The following SYNE2 variants were observed in gnomAD, a reference collection of about 807,000 sequenced individuals.
The protein encoded by SYNE2 is spectrin repeat containing nuclear envelope protein 2.
In SYNE2, 431 loss-of-function variants were observed where a neutral mutation model predicts 856.3. That is an observed-to-expected ratio of 0.50 (90% confidence interval 0.47 to 0.55). SYNE2 has a LOEUF of 0.55. SYNE2 is among the 20% of genes least tolerant of loss of function. The pLI is 0.00. For synonymous variants in SYNE2, 2,923 were observed against 2,872.3 expected (o/e 1.02, Z -0.56); for missense variants, 8,129 against 8,023.2 (o/e 1.01, Z -0.50).
chr14:64,135,511 T>TGA, intron 78 of SYNE2, among the ~76,000 whole-genome samples: 1 of 152,116 alleles, frequency 6.6e-6, no homozygotes, highest in South Asian at 2.1e-4. Flanking sequence ...GTGGGGGTGA[T>TGA]GAGAGTACTG....
In SYNE2 at chr14:64,007,030, A is replaced by G. The variant is rs1416153462; in HGVS notation, c.4398-13A>G. ...CAGTTGGCTATCAAACTTTTTTCTC[A>G]TTCATAATCAAGGAAAAAATCATTA... is the stretch of plus-strand genomic sequence containing the variant. On this transcript the variant is annotated splice_polypyrimidine_tract_variant and intron_variant, in intron 30 of 115. Transcript: ENST00000555002. 1.2e-6 allele frequency: 2 copies of G among 1,607,792 alleles called. No homozygotes were observed. Among genetic ancestry groups the G allele is most frequent in the Non-Finnish European group, 1.7e-6 (2 of 1,175,484 alleles).
At chr14:63,846,034 G>A (rs1028799555) in intron 1 of SYNE2, among the ~76,000 whole-genome samples, 5 of 143,536 alleles carry the variant, frequency 3.5e-5, no homozygotes, top group Non-Finnish European at 7.6e-5. Context: ...GTGAGCCACC[G>A]TACCTGCCCT....
rs769021111 is a variant in SYNE2 at position 63,982,748 on chromosome 14, G to A, written c.1955G>A (p.Arg652Lys). The A allele has an allele frequency of 1.2e-6, 2 of 1,614,018 alleles. No homozygotes were observed. The highest frequency in any genetic ancestry group is 2.2e-5 in the East Asian group (1 of 44,862). ...VVGSSISKEL[R>K]RLNKRWRKLV... ...GGATCATCTATTTCTAAAGAACTGAGAAGGCTGAATAAAAGATGGAGAAAG... is the reference window on the plus strand; with the variant it reads ...GGATCATCTATTTCTAAAGAACTGAAAAGGCTGAATAAAAGATGGAGAAAG... Residue 652 changes from arginine to lysine, a missense_variant, in exon 17 of 116, where the codon AGA becomes AAA. Arg to Lys is a conservative substitution (Grantham distance 26, BLOSUM62 2). This residue lies in a region of SYNE2 where 2,422 missense variants were observed against 2,357.4 expected (regional missense o/e 1.03). Transcript: ENST00000555002.
At chr14:64,152,792 G>C (rs976656723) in intron 85 of SYNE2, 76 bp downstream of exon 85, 1 of 1,579,032 alleles carries the variant, frequency 6.3e-7, no homozygotes, top group Non-Finnish European at 8.7e-7. Context: ...AGTTGTTTTC[G>C]TCCTTTACTC....
intron 1 of SYNE2, among the ~76,000 whole-genome samples, chr14:63,821,585 CT>C (rs894811864): frequency 6.6e-6 from 1 of 150,492 alleles, no homozygotes; most frequent in Admixed American, 6.6e-5. Flanking sequence ...GAAATCCCAT[CT>C]CTATTAAAAA....
intron 89 of SYNE2, 113 bp downstream of exon 89, chr14:64,163,694 C>T: frequency 8.4e-7 from 1 of 1,190,390 alleles, no homozygotes; most frequent in East Asian, 2.5e-5. Context: ...AGCAAAATTA[C>T]AGACTGAAGC....
intron 13 of SYNE2, 65 bp from the exon 14 acceptor site, chr14:63,978,787 G>T: frequency 7.2e-7 from 1 of 1,392,834 alleles, no homozygotes. Context: ...TTAAAATGCT[G>T]AACAGATTTC....
chr14:64,162,009 T>C, intron 87 of SYNE2, 63 bp from the exon 88 acceptor site: 3 of 1,580,940 alleles, frequency 1.9e-6, no homozygotes, highest in Non-Finnish European at 2.6e-6. Context: ...AGTGTGTGCA[T>C]TGTACTTTCG....
chr14:64,218,146 T>C, intron 108 of SYNE2: 1 of 451,774 alleles, frequency 2.2e-6, no homozygotes, highest in Non-Finnish European at 4.1e-6. Flanking sequence ...AAACAGACCC[T>C]TTTCTTCCCA....
chr14:63,933,461 A>T (rs2095791562), intron 2 of SYNE2, among the ~76,000 whole-genome samples: 1 of 152,234 alleles, frequency 6.6e-6, no homozygotes, highest in Admixed American at 6.5e-5. Flanking sequence ...TCACAAAAGC[A>T]GACTGAATCA....
Position 64,170,400 on chromosome 14 carries a change from G to T in SYNE2, c.17173G>T (p.Ala5725Ser). The T allele has an allele frequency of 6.2e-7, 1 of 1,614,178 alleles. No individual in the cohort carries two copies. The highest frequency in any genetic ancestry group is 8.5e-7 in the Non-Finnish European group (1 of 1,180,034). ...FLTDTSHLLS[A>S]VKGQERFSLY... ...CACTGACACCAGCCACCTGCTATCTGCAGTGAAGGGCCAGGAGCGCTTCAG... is the reference window on the plus strand; with the variant it reads ...CACTGACACCAGCCACCTGCTATCTTCAGTGAAGGGCCAGGAGCGCTTCAG... Residue 5725 changes from alanine (A) to serine (S), a missense_variant, in exon 94 of 116, where the codon GCA (alanine) becomes TCA (serine). Transcript: ENST00000555002.
intron 106 of SYNE2, 85 bp from the exon 107 acceptor site, chr14:64,215,201 C>G (rs117786344): frequency 0.014 from 16,692 of 1,228,084 alleles, 159 homozygotes; most frequent in Non-Finnish European, 0.018. Flanking sequence ...CTCCTTCCAG[C>G]TGACAATGTT....
At chr14:63,943,698 T>G (rs1238690898) in intron 6 of SYNE2, among the ~76,000 whole-genome samples, 1 of 151,442 alleles carries the variant, frequency 6.6e-6, no homozygotes, top group Admixed American at 6.6e-5. Flanking sequence ...TGAGACAGAG[T>G]CTTGCTCTGT....
chr14:64,224,507 A>G lies in SYNE2; in HGVS notation c.20429A>G (p.Asp6810Gly). 1 of 1,613,992 alleles carries G rather than the reference A, an allele frequency of 6.2e-7. No individual in the cohort carries two copies. The highest frequency in any genetic ancestry group is 8.5e-7 in the Non-Finnish European group (1 of 1,180,022). Residue 6810 changes from aspartate to glycine, a missense_variant, in exon 114 of 116, where the codon GAC (aspartate) becomes GGC (glycine). Asp to Gly is a moderately conservative substitution (Grantham distance 94). Transcript: ENST00000555002. ...AGCTTCGACGAGGTAGACTCGGGGG[A>G]CCAGCCTCCTGCAACATCCGTGCCA... ...LPSFDEVDSG[D>G]QPPATSVPAP...
At position 64,000,664 on chromosome 14, in the gene SYNE2, G is replaced by A; in HGVS notation, c.3583G>A (p.Glu1195Lys). The change falls in exon 28 of 116, where the codon GAA becomes AAA. Residue 1195 changes from glutamate to lysine, a missense_variant. By Grantham distance (56) the Glu-to-Lys change is moderately conservative (BLOSUM62 1). This residue lies in a region of SYNE2 where 2,422 missense variants were observed against 2,357.4 expected (regional missense o/e 1.03). Coordinates refer to ENST00000555002, the MANE Select transcript of SYNE2 (RefSeq NM_182914.3). ...NDIKKPFVIK[E>K]RDTLKERERE... Reference sequence around the variant, plus strand: ...CATAAAAAAGCCTTTTGTAATTAAGGAAAGAGACACACTAAAGGAAAGAGA... The same window carrying A: ...CATAAAAAAGCCTTTTGTAATTAAGAAAAGAGACACACTAAAGGAAAGAGA... The A allele has an allele frequency of 1.2e-6, 2 of 1,613,468 alleles. No homozygotes were observed. The highest frequency in any genetic ancestry group is 1.7e-6 in the Non-Finnish European group (2 of 1,179,760).
chr14:64,130,119 G>C lies in SYNE2; in HGVS notation c.14211G>C (p.Glu4737Asp). ...AACTCAGCAGCCCTTTCGTCACTGA[G>C]AGCCAGCAAGATGCTTTGTTGCAAG... Reference protein sequence around the residue: ...YTELSSPFVTESQQDALLQGM... With the variant: ...YTELSSPFVTDSQQDALLQGM... The change falls in exon 76 of 116, where the codon GAG becomes GAC. Residue 4737 changes from glutamate (E) to aspartate (D), a missense_variant. Glu to Asp is a conservative substitution (Grantham distance 45). Around this residue, in one of 3 missense-constraint regions of SYNE2, gnomAD observed 5,410 missense variants for 5,284.8 expected, o/e 1.02. Transcript: ENST00000555002. 6.2e-7 allele frequency: 1 copy of C among 1,614,206 alleles called. No individual in the cohort carries two copies. Among genetic ancestry groups the C allele is most frequent in the South Asian group, 1.1e-5 (1 of 91,086 alleles).
intron 49 of SYNE2, among the ~76,000 whole-genome samples, chr14:64,057,689 C>T (rs750227081): frequency 2.6e-5 from 4 of 152,040 alleles, no homozygotes; most frequent in Admixed American, 6.6e-5. Context: ...TTTTGAGGAC[C>T]CTCCAAACAG....
At chr14:63,933,433 A>G (rs965793468) in intron 2 of SYNE2, among the ~76,000 whole-genome samples, 3 of 152,242 alleles carry the variant, frequency 2.0e-5, no homozygotes, top group Non-Finnish European at 4.4e-5. Flanking sequence ...CTTCTGGCTA[A>G]GGATATGAGT....
At chr14:64,176,263 G>A (rs1463266957) in intron 95 of SYNE2, among the ~76,000 whole-genome samples, 2 of 152,154 alleles carry the variant, frequency 1.3e-5, no homozygotes, top group Admixed American at 1.3e-4. Context: ...GTTAAAATTT[G>A]AAGAAAAGAG....
Sources: gnomAD v4.1 joint callset for allele counts (sites outside exome capture counted in the v4.1 genomes callset) on GRCh38, gnomAD v4.1.1 for gene constraint, gnomAD v4.1.1 regional missense constraint, MANE v1.5 for transcripts, NCBI Gene and HGNC (gene_info 2026-07-23, HGNC 2026-07-21) for gene names.